Variants in NCALD observed in about 807,000 individuals in gnomAD.
NCALD encodes neurocalcin delta.
In NCALD, 10 loss-of-function variants were observed where a neutral mutation model predicts 18.6. The ratio of observed to expected loss-of-function variants is 0.54; its 90% CI spans 0.33 to 0.91. NCALD has a LOEUF of 0.91. Among genes scored for constraint, NCALD ranks in the 40% least tolerant of loss-of-function variants. The pLI is 0.03. For missense variants in NCALD, 184 were observed against 247.6 expected, an observed-to-expected ratio of 0.74 and a Z score of 1.72; for synonymous variants, 88 against 87.4, an observed-to-expected ratio of 1.01 and a Z score of -0.04.
At chr8:101,715,569 A>G (rs1816038875) in intron 2 of NCALD, among the ~76,000 whole-genome samples, 1 of 152,202 alleles carries the variant, frequency 6.6e-6, no homozygotes, top group African/African-American at 2.4e-5. Flanking sequence ...CAATCTATCC[A>G]TCTGACAAAG....
At chr8:102,085,752 T>C (rs1232329551) in intron 1 of NCALD, among the ~76,000 whole-genome samples, 1 of 140,632 alleles carries the variant, frequency 7.1e-6, no homozygotes, top group East Asian at 2.0e-4. Flanking sequence ...ACTCTGTCTT[T>C]AAAAAAAAAA....
At chr8:102,100,952 TGAA>T (rs920231867) in intron 1 of NCALD, among the ~76,000 whole-genome samples, 75 of 152,298 alleles carry the variant, frequency 4.9e-4, no homozygotes, top group African/African-American at 1.7e-3. Flanking sequence ...TTGGGGAAGA[TGAA>T]GAAGTTCTGG....
chr8:101,976,318 C>T (rs1820421165), intron 2 of NCALD, among the ~76,000 whole-genome samples: 1 of 152,180 alleles, frequency 6.6e-6, no homozygotes, highest in African/African-American at 2.4e-5. Context: ...TTGGCTGGTA[C>T]ACAAGCAATG....
chr8:101,924,538 C>T (rs1172135155), intron 2 of NCALD, among the ~76,000 whole-genome samples: 1 of 152,172 alleles, frequency 6.6e-6, no homozygotes, highest in Admixed American at 6.5e-5. Context: ...CTACCATGTT[C>T]CAAATCATAA....
At position 101,922,154 on chromosome 8, in the gene NCALD, G is replaced by GA. The variant is rs57292977; in HGVS notation, c.-156-6297dup. Among the ~76,000 whole-genome samples, 1,305 of 138,192 alleles carry GA rather than the reference G, an allele frequency of 9.4e-3. 16 individuals carry two copies. Among genetic ancestry groups the GA allele is most frequent in the African/African-American group, 0.03 (1,147 of 38,642 alleles). The allele number at this position is 138,192 out of a possible 152,430, so 90.7% of individuals were successfully genotyped here. A position where few individuals can be genotyped will look rare whatever the true frequency, so the allele number is the denominator to read the frequency against. ...CAATTTTAGACTTTGAGATTTTACT[G>GA]AAAAAAAAAAATGGTGTCTCTGGAA... On this transcript the variant is annotated intron_variant, in intron 2 of 6. Coordinates refer to the NCALD transcript ENST00000311028.
At chr8:101,856,432 C>T (rs6982111) in intron 4 of NCALD, among the ~76,000 whole-genome samples, 3,134 of 152,254 alleles carry the variant, frequency 0.021, 83 homozygotes, top group African/African-American at 0.069. Flanking sequence ...CTTGGCTTCT[C>T]AAAGTGCAAA....
intron 4 of NCALD, among the ~76,000 whole-genome samples, chr8:101,823,573 A>G (rs921827583): frequency 6.6e-6 from 1 of 152,228 alleles, no homozygotes; most frequent in African/African-American, 2.4e-5. Context: ...AAAAACCACC[A>G]GTCTCCTGGC....
At chr8:101,864,891 C>T (rs1815704247) in intron 4 of NCALD, among the ~76,000 whole-genome samples, 1 of 152,140 alleles carries the variant, frequency 6.6e-6, no homozygotes, top group Admixed American at 6.5e-5. Context: ...CCACCACGCC[C>T]AGCTGGATTG....
chr8:101,895,014 G>A (rs1309719385), intron 3 of NCALD, among the ~76,000 whole-genome samples: 2 of 150,462 alleles, frequency 1.3e-5, no homozygotes, highest in Non-Finnish European at 2.9e-5. Flanking sequence ...CTCATTTTAT[G>A]AGGCCAGCAT....
chr8:101,868,256 C>T (rs1201524508), intron 4 of NCALD, among the ~76,000 whole-genome samples: 1 of 152,084 alleles, frequency 6.6e-6, no homozygotes, highest in Non-Finnish European at 1.5e-5. Context: ...CCTCCTCATG[C>T]ATCAAGGAGT....
chr8:101,736,180 T>C (rs919300798), intron 1 of NCALD, among the ~76,000 whole-genome samples: 1 of 152,212 alleles, frequency 6.6e-6, no homozygotes, highest in East Asian at 1.9e-4. Context: ...CAAGCCATCT[T>C]GGGACTAGTT....
intron 4 of NCALD, among the ~76,000 whole-genome samples, chr8:101,861,088 A>T (rs896239171): frequency 1.3e-5 from 2 of 152,168 alleles, no homozygotes; most frequent in Non-Finnish European, 2.9e-5. Context: ...CCCCAGAGGG[A>T]ACCAGCCCTG....
chr8:101,916,432 A>C (rs1231549014), intron 2 of NCALD, among the ~76,000 whole-genome samples: 1 of 152,188 alleles, frequency 6.6e-6, no homozygotes, highest in Non-Finnish European at 1.5e-5. Flanking sequence ...TGTTAAGTAC[A>C]TAGCCCACAG....
chr8:101,748,498 G>A (rs139365024), intron 1 of NCALD, among the ~76,000 whole-genome samples: 311 of 152,276 alleles, frequency 2.0e-3, no homozygotes, highest in Middle Eastern at 3.4e-3. Context: ...GTGGTCCTTC[G>A]TGAATATGAG....
intron 1 of NCALD, among the ~76,000 whole-genome samples, chr8:102,049,919 T>A (rs1178112532): frequency 6.6e-6 from 1 of 151,768 alleles, no homozygotes; most frequent in South Asian, 2.1e-4. Context: ...TCCCAGCACT[T>A]TGGGAGGCCG....
At chr8:101,815,711 C>T (rs531837560) in intron 4 of NCALD, among the ~76,000 whole-genome samples, 1 of 152,238 alleles carries the variant, frequency 6.6e-6, no homozygotes, top group Non-Finnish European at 1.5e-5. Flanking sequence ...CAAAACAGTA[C>T]AGCCACTTTG....
intron 4 of NCALD, among the ~76,000 whole-genome samples, chr8:101,855,258 A>G (rs890554100): frequency 2.0e-5 from 3 of 152,144 alleles, no homozygotes; most frequent in Non-Finnish European, 4.4e-5. Context: ...ATTGGATAGG[A>G]CTATATGACT....
At chr8:102,015,973 C>A (rs1172568726) in intron 2 of NCALD, among the ~76,000 whole-genome samples, 7 of 152,150 alleles carry the variant, frequency 4.6e-5, no homozygotes. Context: ...CTGGGGAGTT[C>A]TCCTTTTAGT....
rs141595935 is a variant in NCALD, at chr8:102,031,800, C to A, written c.-209-11511G>T. Among the ~76,000 whole-genome samples the A allele has an allele frequency of 5.3e-3, 812 of 152,120 alleles. 5 individuals are homozygous for A. The highest frequency in any genetic ancestry group is 0.019 in the African/African-American group (769 of 41,484). On this transcript the variant is annotated intron_variant, in intron 1 of 6. Transcript: ENST00000311028. ...AATAAATAGGATTTGAGTATGAAAACATGAAAGGAAAGATGTTCATTAATC... is the reference window on the plus strand; with the variant it reads ...AATAAATAGGATTTGAGTATGAAAAAATGAAAGGAAAGATGTTCATTAATC...
Sources: allele counts gnomAD v4.1 joint callset (sites outside exome capture counted in the v4.1 genomes callset), GRCh38; gene constraint gnomAD v4.1.1; transcripts MANE v1.5; gene names NCBI Gene and HGNC (gene_info 2026-07-23, HGNC 2026-07-21).